Variants in TMED8 observed in about 807,000 individuals in gnomAD.
TMED8 encodes the protein transmembrane p24 trafficking protein family member 8, also known as protein TMED8.
TMED8 carries 15 observed loss-of-function variants against 32.7 expected under a neutral mutation model. The ratio of observed to expected loss-of-function variants is 0.46; its 90% CI spans 0.31 to 0.71. The LOEUF is 0.71. Among genes scored for constraint, TMED8 ranks in the 30% least tolerant of loss-of-function variants. The pLI, the probability that TMED8 is intolerant of heterozygous loss-of-function variation, is 0.06. For synonymous variants in TMED8, 147 were observed against 161.4 expected (o/e 0.91, Z 0.68); for missense variants, 390 against 423.9 (o/e 0.92, Z 0.70).
At chr14:77,372,906 TTATATATATATATATA>T (rs1167584417) in intron 1 of TMED8, among the ~76,000 whole-genome samples, 1,113 of 35,252 alleles carry the variant, frequency 0.032, 35 homozygotes, top group African/African-American at 0.052. Flanking sequence ...GCCACAGATA[TTATATATATATATATA>T]TATATATATA....
intron 1 of TMED8, among the ~76,000 whole-genome samples, chr14:77,353,459 G>A (rs529359840): frequency 7.5e-6 from 1 of 134,092 alleles, no homozygotes; most frequent in African/African-American, 2.8e-5. Flanking sequence ...TTTTTTTGGA[G>A]GGGGACAGGG....
At chr14:77,351,041 G>C (rs960937947) in intron 2 of TMED8, among the ~76,000 whole-genome samples, 3 of 152,144 alleles carry the variant, frequency 2.0e-5, no homozygotes, top group African/African-American at 7.2e-5. Flanking sequence ...AGGAAGGGGA[G>C]AGCCTGGCCG....
chr14:77,373,517 T>A (rs1893745642), intron 1 of TMED8, among the ~76,000 whole-genome samples: 3 of 152,056 alleles, frequency 2.0e-5, no homozygotes, highest in Admixed American at 2.0e-4. Flanking sequence ...AGAACATAAA[T>A]CCTTTCCTTC....
chr14:77,342,064 C>A lies in TMED8; in HGVS notation c.761-76G>T, dbSNP rs867688063. The A allele has an allele frequency of 1.3e-5, 17 of 1,321,646 alleles. No homozygotes were observed. The South Asian group carries it at 1.8e-4, about 14-fold the overall frequency. The allele number at this position is 1,321,646 out of a possible 1,614,324, so 81.9% of individuals were successfully genotyped here. ...AAGGTGAGCGGAAGGACCAGGTGAC[C>A]CAGTGGCTTTCACAGAGCGGGGAGA... On this transcript the variant is annotated intron_variant, in intron 5 of 5. Coordinates refer to ENST00000216468, the MANE Select transcript of TMED8 (RefSeq NM_213601.3).
At chr14:77,374,884 C>T (rs1893776757) in intron 1 of TMED8, among the ~76,000 whole-genome samples, 1 of 152,122 alleles carries the variant, frequency 6.6e-6, no homozygotes, top group Non-Finnish European at 1.5e-5. Flanking sequence ...GGACAGAGAC[C>T]ATAACCTGTC....
chr14:77,366,669 G>A (rs1893558266), intron 1 of TMED8, among the ~76,000 whole-genome samples: 2 of 152,114 alleles, frequency 1.3e-5, no homozygotes, highest in Admixed American at 1.3e-4. Flanking sequence ...GATCATCTTT[G>A]TTATTATAAC....
Position 77,343,700 on chromosome 14 carries a change from T to A in TMED8, c.451A>T (p.Lys151Ter). The A allele has an allele frequency of 1.2e-6, 2 of 1,614,162 alleles. No individual in the cohort carries two copies. Among genetic ancestry groups the A allele is most frequent in the Non-Finnish European group, 1.7e-6 (2 of 1,180,034 alleles). Reference sequence around the variant, plus strand: ...CCTTTACTCCCAAAGGTCTCACCTTTCCTGTGGTCCCCCAGAAGATCTGCA... The same window carrying A: ...CCTTTACTCCCAAAGGTCTCACCTTACCTGTGGTCCCCCAGAAGATCTGCA... ...ESADLLGDHR[K>*]VSPPLMAPPC... Residue 151 changes from lysine to a stop codon, truncating the protein, a stop_gained, in exon 4 of 6, where the codon AAA becomes TAA. Transcript: ENST00000216468. LOFTEE classifies it high-confidence loss of function.
At chr14:77,342,047 C>A in intron 5 of TMED8, 59 bp from the exon 6 acceptor site, 1 of 1,500,742 alleles carries the variant, frequency 6.7e-7, no homozygotes, top group Non-Finnish European at 9.2e-7. Context: ...TGAAGGTGAG[C>A]GGAAGGACCA....
intron 1 of TMED8, chr14:77,359,653 G>T: frequency 3.1e-6 from 1 of 323,138 alleles, no homozygotes; most frequent in Non-Finnish European, 6.0e-6. Context: ...ATGAAACCTG[G>T]CCTCAACGCC....
Position 77,341,661 on chromosome 14 carries a change from G to T in TMED8, c.*110C>A. The T allele has an allele frequency of 1.8e-6, 2 of 1,082,404 alleles. No individual in the cohort carries two copies. Among genetic ancestry groups the T allele is most frequent in the Non-Finnish European group, 1.4e-6 (1 of 727,110 alleles). The allele number at this position is 1,082,404 out of a possible 1,614,324, so 67.0% of individuals were successfully genotyped here. A position where few individuals can be genotyped will look rare whatever the true frequency, so the allele number is the denominator to read the frequency against. On this transcript the variant is annotated 3_prime_UTR_variant, in exon 6 of 6. Coordinates refer to ENST00000216468, the MANE Select transcript of TMED8 (RefSeq NM_213601.3). Reference sequence around the variant, plus strand: ...TCAGGCATGCCAGACAGGGTGTGAGGCTCAGCAGCCCCCCATGAACCTTTG... The same window carrying T: ...TCAGGCATGCCAGACAGGGTGTGAGTCTCAGCAGCCCCCCATGAACCTTTG...
intron 4 of TMED8, 95 bp downstream of exon 4, chr14:77,343,602 C>T: frequency 6.3e-7 from 1 of 1,581,136 alleles, no homozygotes; most frequent in Non-Finnish European, 8.6e-7. Context: ...CTTCCTTTCA[C>T]AAGTCATTTT....
intron 1 of TMED8, among the ~76,000 whole-genome samples, chr14:77,357,803 A>G (rs1893325431): frequency 6.6e-6 from 1 of 152,122 alleles, no homozygotes; most frequent in African/African-American, 2.4e-5. Flanking sequence ...TATTTCTCTA[A>G]GGAGTCCTGG....
In TMED8 at chr14:77,341,943, A is replaced by G. The variant is rs763896152; in HGVS notation, c.806T>C (p.Leu269Ser). 1 of 1,613,898 alleles carries G rather than the reference A, an allele frequency of 6.2e-7. No homozygotes were observed. The highest frequency in any genetic ancestry group is 8.5e-7 in the Non-Finnish European group (1 of 1,180,006). ...GDVERGSRSS[L>S]RGRYGEVMPV... is the part of the protein sequence containing the mutation. ...CATGACCTCCCCATAGCGACCCCGC[A>G]AGGAGCTCCTGGAGCCTCTCTCCAC... Residue 269 changes from leucine (L) to serine (S), a missense_variant, in exon 6 of 6, where the codon TTG becomes TCG. By Grantham distance (145) the Leu-to-Ser change is moderately radical (BLOSUM62 -2). Coordinates refer to ENST00000216468, the MANE Select transcript of TMED8 (RefSeq NM_213601.3).
At chr14:77,363,349 T>C (rs1437671282) in intron 1 of TMED8, among the ~76,000 whole-genome samples, 1 of 152,100 alleles carries the variant, frequency 6.6e-6, no homozygotes, top group Non-Finnish European at 1.5e-5. Context: ...AACAACCTGC[T>C]CCTGAACAAC....
chr14:77,372,180 C>G (rs1893691121), intron 1 of TMED8, among the ~76,000 whole-genome samples: 2 of 152,084 alleles, frequency 1.3e-5, no homozygotes, highest in African/African-American at 4.8e-5. Context: ...GCCACTAAAG[C>G]AAAGGTGAGA....
intron 1 of TMED8, among the ~76,000 whole-genome samples, chr14:77,375,267 G>T (rs1893786355): frequency 6.6e-6 from 1 of 152,030 alleles, no homozygotes; most frequent in Non-Finnish European, 1.5e-5. Flanking sequence ...AGGGTAAGAG[G>T]AAGGAAAGTA....
Position 77,343,327 on chromosome 14 carries a change from A to G in TMED8, c.611T>C (p.Val204Ala), listed in dbSNP as rs761669145. 1.2e-6 allele frequency: 2 copies of G among 1,614,080 alleles called. No homozygotes were observed. Among genetic ancestry groups the G allele is most frequent in the Admixed American group, 1.7e-5 (1 of 60,000 alleles). ...GTCATCGGTCGCAAACTCCCAGCAG[A>G]CACGCTTCCCCTCTGGATGAGTAGG... The part of the protein sequence containing the change: ...RVPTHPEGKR[V>A]CWEFATDDYD... The change falls in exon 5 of 6, where the codon GTC (valine) becomes GCC (alanine). Residue 204 changes from valine to alanine, a missense_variant. By Grantham distance (64) the Val-to-Ala change is moderately conservative. Transcript: ENST00000216468.
At position 77,338,245 on chromosome 14, in the gene TMED8, T is replaced by C. The variant is rs1310360003; in HGVS notation, c.*3526A>G. The C allele has an allele frequency of 6.6e-6, 1 of 152,214 alleles. No individual in the cohort carries two copies. Among genetic ancestry groups the C allele is most frequent in the Non-Finnish European group, 1.5e-5 (1 of 68,040 alleles). The allele number at this position is 152,214 out of a possible 1,614,324, so 9.4% of individuals were successfully genotyped here. ...GAAATTTACCCCCCAATATATTTAT[T>C]TGACGTATTTTGAAATGGCCCTACA... On this transcript the variant is annotated 3_prime_UTR_variant, in exon 6 of 6. Transcript: ENST00000216468.
At position 77,349,187 on chromosome 14, in the gene TMED8, G is replaced by A. The variant is rs187085458; in HGVS notation, c.197+2486C>T. On this transcript the variant is annotated intron_variant, in intron 2 of 5. Coordinates refer to ENST00000216468, the MANE Select transcript of TMED8 (RefSeq NM_213601.3). ...GTGTAGTGGCATGATCTCGGATCTC[G>A]GCTCACTGCAACTCTGCCTCCCTGG... 1.4e-3 allele frequency among the ~76,000 whole-genome samples: 196 copies of A among 140,330 alleles called. 1 individual carries two copies. Among genetic ancestry groups the A allele is most frequent in the Non-Finnish European group, 1.4e-3 (96 of 66,540 alleles). The allele number at this position is 140,330 out of a possible 152,430, so 92.1% of individuals were successfully genotyped here.
Sources: allele counts gnomAD v4.1 joint callset (sites outside exome capture counted in the v4.1 genomes callset), GRCh38; gene constraint gnomAD v4.1.1; transcripts MANE v1.5; gene names NCBI Gene and HGNC (gene_info 2026-07-23, HGNC 2026-07-21).